ITGAV: variants seen among roughly 807,000 people sequenced by gnomAD.
The protein encoded by ITGAV is integrin alpha-V.
In ITGAV, 76 loss-of-function variants were observed where a neutral mutation model predicts 143.8. That is an observed-to-expected ratio of 0.53 (90% CI 0.44 to 0.64). The LOEUF is 0.64. Ranked by LOEUF, ITGAV falls within the 30% of genes least tolerant of loss-of-function variation. The pLI is 0.00. For synonymous variants in ITGAV, 453 were observed against 446.7 expected (o/e 1.01, Z -0.18); for missense variants, 1,193 against 1,274.7 (o/e 0.94, Z 0.98).
intron 1 of ITGAV, among the ~76,000 whole-genome samples, chr2:186,599,890 G>A (rs1686850186): frequency 6.6e-6 from 1 of 151,992 alleles, no homozygotes; most frequent in Non-Finnish European, 1.5e-5. Flanking sequence ...TTTTCCATCT[G>A]TCACCTATCT....
chr2:186,602,616 C>T (rs1485154147), intron 2 of ITGAV, among the ~76,000 whole-genome samples: 3 of 152,240 alleles, frequency 2.0e-5, no homozygotes, highest in South Asian at 2.1e-4. Flanking sequence ...TAGTGGCTCA[C>T]GCCTGTAATC....
rs568883223 is a variant in ITGAV at position 186,659,214 on chromosome 2, AT to A, written c.1857+48del. The A allele has an allele frequency of 1.0e-3, 1,354 of 1,339,614 alleles. 1 individual carries two copies. The highest frequency in any genetic ancestry group is 5.1e-3 in the African/African-American group (338 of 66,150). The allele number at this position is 1,339,614 out of a possible 1,614,324, so 83.0% of individuals were successfully genotyped here. A position where few individuals can be genotyped will look rare whatever the true frequency, so the allele number is the denominator to read the frequency against. On this transcript the variant is annotated intron_variant, in intron 18 of 29. Transcript: ENST00000261023. ...TTTACCACTAATGTGATATTTTGTTATTTTTTTTTACAATTCATATTTTTAA... is the reference window on the plus strand; with the variant it reads ...TTTACCACTAATGTGATATTTTGTTATTTTTTTTACAATTCATATTTTTAA...
chr2:186,591,887 C>T (rs1686625609), intron 1 of ITGAV, among the ~76,000 whole-genome samples: 1 of 152,172 alleles, frequency 6.6e-6, no homozygotes, highest in Non-Finnish European at 1.5e-5. Context: ...TAAAAATAAT[C>T]ATTATTTAGG....
chr2:186,651,679 A>G (rs1688435793), intron 14 of ITGAV, among the ~76,000 whole-genome samples: 1 of 152,112 alleles, frequency 6.6e-6, no homozygotes, highest in African/African-American at 2.4e-5. Flanking sequence ...TAGATATCTC[A>G]CAACTTATTT....
chr2:186,596,889 T>C (rs1310612693), intron 1 of ITGAV, among the ~76,000 whole-genome samples: 3 of 152,258 alleles, frequency 2.0e-5, no homozygotes, highest in African/African-American at 7.2e-5. Context: ...ATGATAACTT[T>C]AATATCGAGA....
At chr2:186,632,043 T>G (rs1406919198) in intron 5 of ITGAV, among the ~76,000 whole-genome samples, 1 of 152,114 alleles carries the variant, frequency 6.6e-6, no homozygotes, top group Non-Finnish European at 1.5e-5. Flanking sequence ...TTTTTAAAAA[T>G]TTTATTTTAT....
chr2:186,646,351 G>T (rs542082707), intron 12 of ITGAV, among the ~76,000 whole-genome samples: 1 of 152,230 alleles, frequency 6.6e-6, no homozygotes, highest in South Asian at 2.1e-4. Context: ...GGAAGCATTT[G>T]TGGTCCAGAA....
At chr2:186,616,401 C>G (rs1687362199) in intron 2 of ITGAV, among the ~76,000 whole-genome samples, 1 of 150,490 alleles carries the variant, frequency 6.6e-6, no homozygotes, top group Admixed American at 6.6e-5. Context: ...GCCTCAGCCT[C>G]CCAAGCAGCT....
Position 186,677,692 on chromosome 2 carries a change from A to G in ITGAV, c.*400A>G. The G allele has an allele frequency of 5.8e-6, 1 of 170,970 alleles. No homozygotes were observed. Among genetic ancestry groups the G allele is most frequent in the Middle Eastern group, 2.9e-3 (1 of 344 alleles). 10.6% of individuals were successfully genotyped at this position (170,970 alleles called of 1,614,324 possible). Reference sequence around the variant, plus strand: ...TTGTTTTAAAGCAGTCCAAATTTGGACCTTAGCAATCATGTCTTTTGTATA... The same window carrying G: ...TTGTTTTAAAGCAGTCCAAATTTGGGCCTTAGCAATCATGTCTTTTGTATA... On this transcript the variant is annotated 3_prime_UTR_variant, in exon 30 of 30. Coordinates refer to ENST00000261023, the MANE Select transcript of ITGAV (RefSeq NM_002210.5).
Position 186,624,103 on chromosome 2 carries a change from C to G in ITGAV, c.409-1370C>G, listed in dbSNP as rs921787680. ...GCCTCCTCTCACTCCATCTCACATA[C>G]TAAAGCCAGGCTTATCTTTATTTCT... is the stretch of plus-strand genomic sequence containing the variant. On this transcript the variant is annotated intron_variant, in intron 3 of 29. Coordinates refer to ENST00000261023, the MANE Select transcript of ITGAV (RefSeq NM_002210.5). Among the ~76,000 whole-genome samples the G allele has an allele frequency of 1.4e-4, 22 of 152,162 alleles. 1 individual carries two copies. Among genetic ancestry groups the G allele is most frequent in the South Asian group, 8.3e-4 (4 of 4,820 alleles).
rs116241314 is a variant in ITGAV, at chr2:186,662,305, G to A, written c.1858-1463G>A. ...CTTCTAATAGTCCTTTTTTAAAAAG[G>A]CTTATAGCAACTGCTTATATCTAGG... On this transcript the variant is annotated intron_variant, in intron 18 of 29. Coordinates refer to ENST00000261023, the MANE Select transcript of ITGAV (RefSeq NM_002210.5). 3.5e-3 allele frequency among the ~76,000 whole-genome samples: 535 copies of A among 152,068 alleles called. 4 individuals carry two copies. The highest frequency in any genetic ancestry group is 0.012 in the African/African-American group (488 of 41,476).
At chr2:186,670,750 G>A (rs371659525) in intron 26 of ITGAV, among the ~76,000 whole-genome samples, 4 of 152,298 alleles carry the variant, frequency 2.6e-5, no homozygotes, top group South Asian at 4.1e-4. Flanking sequence ...ACCATGTGGT[G>A]TAGATGCTTT....
Position 186,600,408 on chromosome 2 carries a change from G to C in ITGAV, c.186-1613G>C. The C allele has an allele frequency of 2.0e-6, 3 of 1,536,298 alleles. No homozygotes were observed. The South Asian group carries it at 3.6e-5, about 18-fold the overall frequency. ...TGAGTTCCTTAGAAATAACTTCTCT[G>C]TCTACTTTATCTAAAAGAGAACTTT... On this transcript the variant is annotated intron_variant, in intron 1 of 29. Transcript: ENST00000261023.
intron 11 of ITGAV, 77 bp downstream of exon 11, chr2:186,641,044 T>C (rs1346107882): frequency 6.1e-6 from 7 of 1,139,710 alleles, no homozygotes; most frequent in Non-Finnish European, 8.9e-6. Context: ...AAACATTTTT[T>C]TCTTCTGTTT....
intron 2 of ITGAV, among the ~76,000 whole-genome samples, chr2:186,611,741 A>G (rs1344011983): frequency 6.6e-6 from 1 of 151,982 alleles, no homozygotes; most frequent in Non-Finnish European, 1.5e-5. Context: ...CATAATACCT[A>G]CCTCTCAGGG....
At position 186,663,825 on chromosome 2, in the gene ITGAV, T is replaced by C. The variant is rs1181844714; in HGVS notation, c.1915T>C (p.Ser639Pro). Residue 639 changes from serine to proline, a missense_variant, in exon 19 of 30, where the codon TCT (serine) becomes CCT (proline). Transcript: ENST00000261023. ...TGTCTGTAAACCCAAGCTGGAAGTT[T>C]CTGTAGATAGGTAAGTTTTGCTTGA... ...DNVCKPKLEV[S>P]VDSDQKKIYI... is the part of the protein sequence containing the mutation. The C allele has an allele frequency of 6.2e-7, 1 of 1,609,444 alleles. No individual in the cohort carries two copies. The highest frequency in any genetic ancestry group is 1.7e-5 in the Admixed American group (1 of 59,984).
At chr2:186,603,454 A>C (rs943063873) in intron 2 of ITGAV, among the ~76,000 whole-genome samples, 16 of 151,840 alleles carry the variant, frequency 1.1e-4, no homozygotes, top group African/African-American at 3.9e-4. Context: ...ACATGTTTTC[A>C]GGGTTTTTTT....
Position 186,646,753 on chromosome 2 carries a change from A to C in ITGAV, c.1227A>C (p.Arg409Ser). 2 of 1,612,142 alleles carry C rather than the reference A, an allele frequency of 1.2e-6. No homozygotes were observed. The highest frequency in any genetic ancestry group is 1.7e-6 in the Non-Finnish European group (2 of 1,178,734). The change falls in exon 13 of 30, where the codon AGA (arginine) becomes AGC (serine). Residue 409 changes from arginine (R) to serine (S), a missense_variant. By Grantham distance (110) the Arg-to-Ser change is moderately radical (BLOSUM62 -1). Transcript: ENST00000261023. ...KKGIVYIFNG[R>S]STGLNAVPSQ... Reference sequence around the variant, plus strand: ...GAATTGTTTATATCTTCAATGGAAGATCAACAGGCTTGAACGCAGTCCCAT... The same window carrying C: ...GAATTGTTTATATCTTCAATGGAAGCTCAACAGGCTTGAACGCAGTCCCAT...
At chr2:186,659,242 T>A in intron 18 of ITGAV, 67 bp downstream of exon 18, 1 of 1,106,512 alleles carries the variant, frequency 9.0e-7, no homozygotes. Context: ...TATTTTTAAA[T>A]ATTAGAGGAG....
Sources: allele counts gnomAD v4.1 joint callset (sites outside exome capture counted in the v4.1 genomes callset), GRCh38; gene constraint gnomAD v4.1.1; transcripts MANE v1.5; gene names NCBI Gene and HGNC (gene_info 2026-07-23, HGNC 2026-07-21).